Variants in HPSE observed in about 807,000 individuals in gnomAD.
HPSE encodes endo-glucoronidase.
In HPSE, 48 loss-of-function variants were observed where a neutral mutation model predicts 65.1. That is an observed-to-expected ratio of 0.74 (90% CI 0.58 to 0.94). The LOEUF (loss-of-function observed/expected upper bound fraction) is 0.94, where lower values mean the gene tolerates loss of function less well. Ranked by LOEUF, HPSE falls within the 40% of genes least tolerant of loss-of-function variation. The probability of loss-of-function intolerance (pLI) is 0.00; values close to 1 mark genes in which losing one functional copy is unlikely to be tolerated. For synonymous variants in HPSE, 243 were observed against 260.0 expected (o/e 0.93, Z 0.63); for missense variants, 644 against 637.5 (o/e 1.01, Z -0.11).
At chr4:83,310,122 A>G in intron 5 of HPSE, 44 bp from the exon 6 acceptor site, 8 of 1,259,162 alleles carry the variant, frequency 6.4e-6, no homozygotes, top group Non-Finnish European at 9.3e-6. Context: ...TAATACATAT[A>G]TATGCACAAT....
chr4:83,307,405 G>A (rs1183031397), intron 8 of HPSE, among the ~76,000 whole-genome samples: 9 of 145,726 alleles, frequency 6.2e-5, no homozygotes, highest in Non-Finnish European at 1.4e-4. Context: ...AATGGCAACT[G>A]CATGCAGCAG....
At chr4:83,313,349 C>T (rs996193541) in intron 3 of HPSE, 62 bp from the exon 4 acceptor site, 11 of 1,060,374 alleles carry the variant, frequency 1.0e-5, no homozygotes, top group South Asian at 1.9e-5. Context: ...CCTCCAGATT[C>T]GCTTTTCATA....
chr4:83,324,976 A>G (rs1737085368), intron 1 of HPSE, among the ~76,000 whole-genome samples: 1 of 152,240 alleles, frequency 6.6e-6, no homozygotes, highest in African/African-American at 2.4e-5. Flanking sequence ...AATTTTAACA[A>G]TAAAAGAATA....
At chr4:83,325,269 G>A (rs1015202068) in intron 1 of HPSE, among the ~76,000 whole-genome samples, 7 of 151,750 alleles carry the variant, frequency 4.6e-5, no homozygotes, top group South Asian at 2.1e-4. Context: ...GGGTTCAAGC[G>A]ATTCTCTTGC....
chr4:83,335,082 T>G, upstream of HPSE: 2 of 321,410 alleles, frequency 6.2e-6, no homozygotes, highest in Non-Finnish European at 5.5e-6. Flanking sequence ...GGTGCGGAGA[T>G]GGCCGGGATC....
chr4:83,309,264 T>TAAC (rs1736273162), intron 7 of HPSE, 138 bp downstream of exon 7: 4 of 618,270 alleles, frequency 6.5e-6, no homozygotes, highest in Non-Finnish European at 2.9e-6. Flanking sequence ...AGGGGAAAAC[T>TAAC]AACAGTGGAT....
At chr4:83,323,986 G>A (rs1737029115) in intron 1 of HPSE, among the ~76,000 whole-genome samples, 1 of 152,098 alleles carries the variant, frequency 6.6e-6, no homozygotes, top group South Asian at 2.1e-4. Flanking sequence ...TTCCTGGAAT[G>A]CTCTGAAAAC....
chr4:83,322,395 T>A, intron 1 of HPSE, 31 bp from the exon 2 acceptor site: 3 of 1,578,370 alleles, frequency 1.9e-6, no homozygotes, highest in Non-Finnish European at 2.6e-6. Context: ...AAAGTATAAC[T>A]ATTTTTTCCA....
rs528281025 is a variant in HPSE at position 83,324,828 on chromosome 4, G to A, written c.228-2464C>T. Among the ~76,000 whole-genome samples the A allele has an allele frequency of 3.9e-5, 6 of 152,286 alleles. No individual in the cohort carries two copies. In the East Asian group the frequency reaches 1.2e-3, roughly 29 times the overall value. ...AGTTTCAGTTTGGGAAGACGAAGAA[G>A]TTCTGAGATAGATAGTGGTGATATT... On this transcript the variant is annotated intron_variant, in intron 1 of 11. Transcript: ENST00000311412.
At chr4:83,303,254 T>G (rs12331678) in intron 9 of HPSE, among the ~76,000 whole-genome samples, 125,133 of 152,180 alleles carry the variant, frequency 0.82, 55,150 homozygotes, top group Non-Finnish European at 0.97. Context: ...GGGAATAAAT[T>G]TAGCAAACTC....
rs1223225661 is a variant in HPSE, at chr4:83,294,932, G to A, written c.*412C>T. The stretch of plus-strand genomic sequence containing the variant: ...AAAAATATAGAAAGTAGCTGGGCGT[G>A]GTGGCACACGCCTATAATCCCAGCT... On this transcript the variant is annotated 3_prime_UTR_variant, in exon 12 of 12. Transcript: ENST00000311412. 1 of 152,272 alleles carries A rather than the reference G, an allele frequency of 6.6e-6. No individual in the cohort carries two copies. The highest frequency in any genetic ancestry group is 1.9e-4 in the East Asian group (1 of 5,192). 9.4% of individuals were successfully genotyped at this position (152,272 alleles called of 1,614,324 possible).
chr4:83,316,886 TTTTG>T (rs1020900799), intron 3 of HPSE, among the ~76,000 whole-genome samples: 1 of 151,838 alleles, frequency 6.6e-6, no homozygotes, highest in African/African-American at 2.4e-5. Context: ...TGTTGTTGTT[TTTTG>T]TTTGTTTGTT....
chr4:83,306,092 A>C (rs1021844225), intron 9 of HPSE, 111 bp downstream of exon 9: 2 of 621,016 alleles, frequency 3.2e-6, no homozygotes, highest in African/African-American at 3.7e-5. Context: ...TCATCATCTC[A>C]TGATTTGGCT....
intron 9 of HPSE, among the ~76,000 whole-genome samples, chr4:83,304,920 T>C (rs1414712718): frequency 6.6e-6 from 1 of 152,140 alleles, no homozygotes; most frequent in Non-Finnish European, 1.5e-5. Context: ...AACATAGGAC[T>C]ACAGTATGGC....
intron 7 of HPSE, 95 bp from the exon 8 acceptor site, chr4:83,309,046 T>G: frequency 3.4e-6 from 3 of 890,942 alleles, no homozygotes; most frequent in Non-Finnish European, 5.4e-6. Flanking sequence ...AAACTTTGTA[T>G]TCCTAGACCC....
intron 8 of HPSE, among the ~76,000 whole-genome samples, chr4:83,307,833 G>GA (rs971305397): frequency 2.0e-5 from 3 of 151,722 alleles, no homozygotes; most frequent in Admixed American, 6.6e-5. Flanking sequence ...GAAGAGAAAA[G>GA]AAAAAAAATC....
At chr4:83,302,782 T>C (rs1339240518) in intron 9 of HPSE, among the ~76,000 whole-genome samples, 1 of 152,126 alleles carries the variant, frequency 6.6e-6, no homozygotes, top group Non-Finnish European at 1.5e-5. Context: ...AAGACCAGTC[T>C]GGGAAACATG....
chr4:83,315,417 C>A (rs1736588578), intron 3 of HPSE, among the ~76,000 whole-genome samples: 1 of 152,138 alleles, frequency 6.6e-6, no homozygotes, highest in Non-Finnish European at 1.5e-5. Context: ...TTAACCTCCA[C>A]CCTCATTTTT....
rs1190815039 is a variant in HPSE at position 83,300,746 on chromosome 4, C to T, written c.1472+214G>A. Among the ~76,000 whole-genome samples the T allele has an allele frequency of 9.4e-5, 2 of 21,222 alleles. 1 individual carries two copies. The highest frequency in any genetic ancestry group is 3.1e-4 in the Non-Finnish European group (2 of 6,522). 13.9% of individuals were successfully genotyped at this position (21,222 alleles called of 152,430 possible). A position where few individuals can be genotyped will look rare whatever the true frequency, so the allele number is the denominator to read the frequency against. ...AGGAGAATGGCGTGAACCCGGGAGG[C>T]GGAGCTTGCAGTGAGCCGAGATCCC... On this transcript the variant is annotated intron_variant, in intron 11 of 11. Coordinates refer to ENST00000311412, the MANE Select transcript of HPSE (RefSeq NM_001098540.3).
Sources: allele counts gnomAD v4.1 joint callset (sites outside exome capture counted in the v4.1 genomes callset), GRCh38; gene constraint gnomAD v4.1.1; transcripts MANE v1.5; gene names NCBI Gene and HGNC (gene_info 2026-07-23, HGNC 2026-07-21).